The following ITFG1 variants were observed in gnomAD, a reference collection of about 807,000 sequenced individuals.
ITFG1 encodes the protein T-cell immunomodulatory protein.
In ITFG1, 34 loss-of-function variants were observed where a neutral mutation model predicts 81.8. The observed-to-expected ratio is 0.42, with a 90% confidence interval of 0.32 to 0.55. ITFG1 has a LOEUF of 0.55. ITFG1 is among the 20% of genes least tolerant of loss of function. The probability of loss-of-function intolerance (pLI) is 0.17; values close to 1 mark genes in which losing one functional copy is unlikely to be tolerated. For missense variants in ITFG1, 672 were observed against 755.4 expected (o/e 0.89, Z 1.29); for synonymous variants, 285 against 270.6 (o/e 1.05, Z -0.52).
chr16:47,341,308 C>T (rs148013026), intron 8 of ITFG1, among the ~76,000 whole-genome samples: 7 of 145,076 alleles, frequency 4.8e-5, no homozygotes, highest in Admixed American at 2.1e-4. Context: ...AGGTGTGGTG[C>T]GCACTTGTAA....
chr16:47,421,881 A>G (rs1968955100), intron 6 of ITFG1, among the ~76,000 whole-genome samples: 1 of 151,972 alleles, frequency 6.6e-6, no homozygotes, highest in African/African-American at 2.4e-5. Context: ...CCCCCTGTCC[A>G]TGTGTTCTCA....
At chr16:47,229,745 G>C (rs182888839) in intron 13 of ITFG1, among the ~76,000 whole-genome samples, 4 of 152,218 alleles carry the variant, frequency 2.6e-5, no homozygotes, top group East Asian at 1.9e-4. Flanking sequence ...CTGGGTTTTG[G>C]GGGGTGGGGA....
chr16:47,344,598 C>T (rs1168806922), intron 8 of ITFG1, among the ~76,000 whole-genome samples: 2 of 152,126 alleles, frequency 1.3e-5, no homozygotes, highest in African/African-American at 2.4e-5. Context: ...ATGTGTCATC[C>T]ACCAATCTAT....
chr16:47,374,429 A>G (rs533316004), intron 7 of ITFG1, among the ~76,000 whole-genome samples: 17 of 152,328 alleles, frequency 1.1e-4, no homozygotes, highest in African/African-American at 3.6e-4. Context: ...AGTTTAAATC[A>G]GCCTAGACTG....
rs1216643785 is a variant in ITFG1, at chr16:47,274,197, T to C, written c.1071-13502A>G. On this transcript the variant is annotated intron_variant, in intron 10 of 17. Transcript: ENST00000320640. ...GCTTGAACCTGGGAGGTGGAGGTTG[T>C]GGTCAGCCAAGATTACGCCATTGCA... Among the ~76,000 whole-genome samples the C allele has an allele frequency of 4.0e-5, 6 of 151,890 alleles. No homozygotes were observed. In the East Asian group the frequency reaches 1.2e-3, roughly 30 times the overall value.
chr16:47,438,250 A>G (rs1431657848), intron 5 of ITFG1, among the ~76,000 whole-genome samples: 1 of 152,216 alleles, frequency 6.6e-6, no homozygotes, highest in Non-Finnish European at 1.5e-5. Context: ...TGTAGGCTCC[A>G]CCGCTGGGGG....
intron 12 of ITFG1, among the ~76,000 whole-genome samples, chr16:47,243,164 A>C (rs114874609): frequency 0.02 from 3,096 of 152,270 alleles, 105 homozygotes; most frequent in African/African-American, 0.07. Flanking sequence ...ATACTATATG[A>C]TACTATTCAG....
chr16:47,269,593 A>G (rs1567441532), intron 10 of ITFG1, among the ~76,000 whole-genome samples: 1 of 152,102 alleles, frequency 6.6e-6, no homozygotes, highest in African/African-American at 2.4e-5. Context: ...AGACCTGTAC[A>G]TTGAAAACTA....
chr16:47,325,453 A>C (rs920181844), intron 8 of ITFG1, among the ~76,000 whole-genome samples: 2 of 152,224 alleles, frequency 1.3e-5, no homozygotes, highest in Non-Finnish European at 2.9e-5. Flanking sequence ...AGCTAGCAGA[A>C]GGCAAGAAAT....
chr16:47,263,304 A>G (rs914237383), intron 10 of ITFG1: 12 of 460,080 alleles, frequency 2.6e-5, no homozygotes, highest in Non-Finnish European at 5.3e-5. Flanking sequence ...AATCAGGGCT[A>G]TTCCTATAAC....
At chr16:47,274,982 C>T (rs535578085) in intron 10 of ITFG1, among the ~76,000 whole-genome samples, 6 of 152,248 alleles carry the variant, frequency 3.9e-5, no homozygotes, top group Admixed American at 3.9e-4. Context: ...AAACTCTGTT[C>T]ACTATGGGAA....
intron 14 of ITFG1, among the ~76,000 whole-genome samples, chr16:47,171,363 C>A (rs552871987): frequency 4.6e-5 from 7 of 152,078 alleles, no homozygotes; most frequent in African/African-American, 1.4e-4. Flanking sequence ...ATCCTTTTAA[C>A]TTCTATAAGG....
At chr16:47,266,709 C>T (rs1029120807) in intron 10 of ITFG1, among the ~76,000 whole-genome samples, 1 of 152,052 alleles carries the variant, frequency 6.6e-6, no homozygotes, top group South Asian at 2.1e-4. Flanking sequence ...AGATATATTC[C>T]AAGGAAAATG....
upstream of ITFG1, chr16:47,461,140 C>G (rs1969538458): frequency 8.0e-7 from 1 of 1,255,288 alleles, no homozygotes; most frequent in Non-Finnish European, 1.1e-6. Flanking sequence ...CGCGCAGCCC[C>G]GGGACGCGTA....
At chr16:47,174,726 G>A (rs1965002889) in intron 14 of ITFG1, among the ~76,000 whole-genome samples, 1 of 152,096 alleles carries the variant, frequency 6.6e-6, no homozygotes, top group Non-Finnish European at 1.5e-5. Flanking sequence ...CACCATGTTG[G>A]CCAGGCTGGT....
At chr16:47,302,325 T>C (rs1377741020) in intron 10 of ITFG1, among the ~76,000 whole-genome samples, 2 of 152,144 alleles carry the variant, frequency 1.3e-5, no homozygotes, top group Non-Finnish European at 2.9e-5. Flanking sequence ...AATACTTCAG[T>C]TAAAAGAAGT....
chr16:47,197,934 T>C (rs8058868), intron 14 of ITFG1, among the ~76,000 whole-genome samples: 12 of 152,234 alleles, frequency 7.9e-5, no homozygotes, highest in Middle Eastern at 3.2e-3. Context: ...GTTTGCCCCA[T>C]TGATTTTGTA....
chr16:47,178,302 T>A (rs1210301337), intron 14 of ITFG1, among the ~76,000 whole-genome samples: 1 of 152,190 alleles, frequency 6.6e-6, no homozygotes, highest in Non-Finnish European at 1.5e-5. Flanking sequence ...CCAATGTGAG[T>A]GGATTTTGTG....
chr16:47,300,386 G>A (rs925743699), intron 10 of ITFG1, among the ~76,000 whole-genome samples: 4 of 152,150 alleles, frequency 2.6e-5, no homozygotes, highest in East Asian at 3.9e-4. Context: ...TGGTCACAAC[G>A]GTGTGTTGGA....
Sources: gnomAD v4.1 joint callset for allele counts (sites outside exome capture counted in the v4.1 genomes callset) on GRCh38, gnomAD v4.1.1 for gene constraint, MANE v1.5 for transcripts, NCBI Gene and HGNC (gene_info 2026-07-23, HGNC 2026-07-21) for gene names.